Variants in CSGALNACT1 observed in about 807,000 individuals in gnomAD.
The protein encoded by CSGALNACT1 is beta4GalNAcT-1.
In CSGALNACT1, 52 loss-of-function variants were observed where a neutral mutation model predicts 51.0. The observed-to-expected ratio is 1.02, with a 90% CI of 0.82 to 1.29. CSGALNACT1 has a LOEUF of 1.29. Ranked by LOEUF, CSGALNACT1 falls within the 50% of genes most tolerant of loss-of-function variation. The pLI, the probability that CSGALNACT1 is intolerant of heterozygous loss-of-function variation, is 0.00. For missense variants in CSGALNACT1, 935 were observed against 679.2 expected (o/e 1.38, Z -4.19); for synonymous variants, 341 against 254.4 (o/e 1.34, Z -3.24).
chr8:19,738,706 T>G (rs1228665292), intron 1 of CSGALNACT1, among the ~76,000 whole-genome samples: 1 of 152,134 alleles, frequency 6.6e-6, no homozygotes, highest in Non-Finnish European at 1.5e-5. Flanking sequence ...TAAGGAAGTT[T>G]TAAAGTTAAG....
intron 3 of CSGALNACT1, among the ~76,000 whole-genome samples, chr8:19,528,139 G>C (rs2082060734): frequency 6.6e-6 from 1 of 152,112 alleles, no homozygotes; most frequent in Non-Finnish European, 1.5e-5. Flanking sequence ...GGGCTATCCA[G>C]AACTGACTGA....
intron 1 of CSGALNACT1, among the ~76,000 whole-genome samples, chr8:19,639,327 T>A (rs1437537490): frequency 6.6e-6 from 1 of 152,164 alleles, no homozygotes; most frequent in Non-Finnish European, 1.5e-5. Context: ...CATCATGGGG[T>A]CTGGGGGAAA....
intron 6 of CSGALNACT1, among the ~76,000 whole-genome samples, chr8:19,438,406 A>C (rs1412848352): frequency 1.3e-5 from 2 of 152,220 alleles, no homozygotes; most frequent in Non-Finnish European, 2.9e-5. Flanking sequence ...CTTCGTTTCT[A>C]AGCAGAGGTG....
chr8:19,431,536 CT>C (rs200459627), intron 6 of CSGALNACT1, among the ~76,000 whole-genome samples: 11 of 150,448 alleles, frequency 7.3e-5, no homozygotes, highest in Middle Eastern at 3.4e-3. Flanking sequence ...GCATATAATT[CT>C]TTTTTTTTAT....
chr8:19,600,359 A>T (rs1302855654), intron 2 of CSGALNACT1, among the ~76,000 whole-genome samples: 2 of 152,148 alleles, frequency 1.3e-5, no homozygotes, highest in Non-Finnish European at 2.9e-5. Flanking sequence ...GGATTATAGG[A>T]GTGAGCCACC....
At chr8:19,461,456 T>A in intron 4 of CSGALNACT1, among the ~76,000 whole-genome samples, 1 of 145,948 alleles carries the variant, frequency 6.9e-6, no homozygotes, top group East Asian at 2.1e-4. Flanking sequence ...AGGGCATAAC[T>A]GCACAGCAGC....
intron 8 of CSGALNACT1, among the ~76,000 whole-genome samples, chr8:19,415,347 C>T (rs1233426936): frequency 6.6e-6 from 1 of 152,160 alleles, no homozygotes; most frequent in Non-Finnish European, 1.5e-5. Flanking sequence ...AAGGGGGAGT[C>T]CTTCATCTCA....
intron 1 of CSGALNACT1, among the ~76,000 whole-genome samples, chr8:19,642,276 T>C (rs1170602046): frequency 6.6e-6 from 1 of 152,174 alleles, no homozygotes; most frequent in Non-Finnish European, 1.5e-5. Context: ...CTCTGACTCA[T>C]ATAAAGTAAA....
At chr8:19,569,583 C>T (rs768784844) in intron 3 of CSGALNACT1, among the ~76,000 whole-genome samples, 4 of 151,830 alleles carry the variant, frequency 2.6e-5, no homozygotes, top group Non-Finnish European at 4.4e-5. Flanking sequence ...TGGTTGTTGA[C>T]AATACCAAAT....
chr8:19,538,369 A>C (rs183618715), intron 3 of CSGALNACT1, among the ~76,000 whole-genome samples: 19 of 152,246 alleles, frequency 1.2e-4, no homozygotes, highest in Admixed American at 1.2e-3. Flanking sequence ...ATAAAAAAAA[A>C]GTCATATAAT....
At chr8:19,435,974 T>C (rs895675201) in intron 6 of CSGALNACT1, among the ~76,000 whole-genome samples, 1 of 152,160 alleles carries the variant, frequency 6.6e-6, no homozygotes. Context: ...TTCTATCCTA[T>C]CCTACTTCAC....
At chr8:19,537,180 T>C (rs1299021351) in intron 3 of CSGALNACT1, among the ~76,000 whole-genome samples, 1 of 152,136 alleles carries the variant, frequency 6.6e-6, no homozygotes, top group Non-Finnish European at 1.5e-5. Context: ...AAGAAATGGT[T>C]AATTTGTTTC....
At chr8:19,674,472 G>A (rs1386792019) in intron 1 of CSGALNACT1, among the ~76,000 whole-genome samples, 3 of 152,178 alleles carry the variant, frequency 2.0e-5, no homozygotes, top group Admixed American at 2.0e-4. Flanking sequence ...GCAGGACAAT[G>A]TCAGATTCAA....
intron 6 of CSGALNACT1, among the ~76,000 whole-genome samples, chr8:19,428,564 T>C (rs913716828): frequency 9.2e-5 from 14 of 152,166 alleles, no homozygotes; most frequent in African/African-American, 3.4e-4. Flanking sequence ...AGATGAGACT[T>C]CGGTGGGAAC....
At chr8:19,479,821 AG>A (rs2070855999) in intron 4 of CSGALNACT1, among the ~76,000 whole-genome samples, 2 of 18,226 alleles carry the variant, frequency 1.1e-4, no homozygotes, top group African/African-American at 2.8e-4. Flanking sequence ...TCTTCAGGAA[AG>A]AACTTAGAAA....
chr8:19,538,263 G>A (rs2084237609), intron 3 of CSGALNACT1, among the ~76,000 whole-genome samples: 1 of 152,156 alleles, frequency 6.6e-6, no homozygotes, highest in Non-Finnish European at 1.5e-5. Flanking sequence ...CCTAGGAGTT[G>A]GAGGCTGTAG....
At position 19,619,253 on chromosome 8, in the gene CSGALNACT1, G is replaced by T. The variant is rs775666281; in HGVS notation, c.-543-17388C>A. On this transcript the variant is annotated intron_variant, in intron 1 of 9. Transcript: ENST00000332246. The stretch of plus-strand genomic sequence containing the variant: ...AAGAGCATTCTAGACAGGGTCGGGG[G>T]GGGGTGGGCCTTGAAAAAAAGCACA... Among the ~76,000 whole-genome samples the T allele has an allele frequency of 3.2e-3, 469 of 148,342 alleles. 1 individual carries two copies. The highest frequency in any genetic ancestry group is 4.2e-3 in the African/African-American group (167 of 39,514).
chr8:19,456,084 C>T (rs759242386), intron 5 of CSGALNACT1, among the ~76,000 whole-genome samples: 2 of 152,208 alleles, frequency 1.3e-5, no homozygotes, highest in Admixed American at 6.5e-5. Flanking sequence ...ACTGGAATCA[C>T]GTTTCATTTC....
chr8:19,651,701 T>C (rs1405217033), intron 1 of CSGALNACT1, among the ~76,000 whole-genome samples: 1 of 152,212 alleles, frequency 6.6e-6, no homozygotes, highest in Non-Finnish European at 1.5e-5. Flanking sequence ...TCTTCGCTAT[T>C]GTGAATAGTG....
Sources: gnomAD v4.1 joint callset for allele counts (sites outside exome capture counted in the v4.1 genomes callset) on GRCh38, gnomAD v4.1.1 for gene constraint, MANE v1.5 for transcripts, NCBI Gene and HGNC (gene_info 2026-07-23, HGNC 2026-07-21) for gene names.